RALYL: variants seen among roughly 807,000 people sequenced by gnomAD.
The protein encoded by RALYL is RALY RNA binding protein like, also known as RNA-binding Raly-like protein.
RALYL carries 29 observed loss-of-function variants against 35.1 expected under a neutral mutation model. The ratio of observed to expected loss-of-function variants is 0.83; its 90% CI spans 0.61 to 1.13. The LOEUF is 1.13. Ranked by LOEUF, RALYL falls within the 50% of genes most tolerant of loss-of-function variation. The pLI is 0.00. For synonymous variants in RALYL, 120 were observed against 127.6 expected, an observed-to-expected ratio of 0.94 and a Z score of 0.40; for missense variants, 359 against 360.4, an observed-to-expected ratio of 1.00 and a Z score of 0.03.
rs1854572226 is a variant in RALYL, at chr8:84,367,318, A to AATTTTTTTTTTTTTTT, written c.-23-161981_-23-161980insATTTTTTTTTTTTTTT. On this transcript the variant is annotated intron_variant, in intron 1 of 8. Transcript: ENST00000521268. ...GCCATCCTGCCCAACTAATTTTTGTATTTTTTTTTTTTTTTTTTTTTTTTT... is the reference window on the plus strand; with the variant it reads ...GCCATCCTGCCCAACTAATTTTTGTAATTTTTTTTTTTTTTTTTTTTTTTTTTTTTTTTTTTTTTTT... Among the ~76,000 whole-genome samples the AATTTTTTTTTTTTTTT allele has an allele frequency of 1.1e-4, 3 of 27,400 alleles. 1 individual carries two copies. The highest frequency in any genetic ancestry group is 3.0e-4 in the Non-Finnish European group (3 of 10,140). The allele number at this position is 27,400 out of a possible 152,430, so 18.0% of individuals were successfully genotyped here. A position where few individuals can be genotyped will look rare whatever the true frequency, so the allele number is the denominator to read the frequency against.
chr8:84,290,963 T>A (rs1407791499), intron 1 of RALYL, among the ~76,000 whole-genome samples: 4 of 99,398 alleles, frequency 4.0e-5, no homozygotes, highest in Non-Finnish European at 8.0e-5. Context: ...TTTTGATATC[T>A]TTCAGATCTC....
intron 4 of RALYL, among the ~76,000 whole-genome samples, chr8:84,844,740 G>A (rs928323981): frequency 1.3e-5 from 2 of 152,162 alleles, no homozygotes; most frequent in South Asian, 2.1e-4. Flanking sequence ...CAATGATAGA[G>A]TGGATTAAGA....
chr8:84,359,409 G>T (rs1491566), intron 1 of RALYL, among the ~76,000 whole-genome samples: 58,916 of 151,632 alleles, frequency 0.39, 11,941 homozygotes, highest in East Asian at 0.51. Flanking sequence ...TAAATTTGTT[G>T]TAAGAAAGTA....
chr8:84,325,636 C>A (rs1413497962), intron 1 of RALYL, among the ~76,000 whole-genome samples: 1 of 152,150 alleles, frequency 6.6e-6, no homozygotes, highest in Non-Finnish European at 1.5e-5. Context: ...CCTGTATATT[C>A]TTTATTTGTC....
At chr8:84,426,125 TACA>T (rs2046403735) in intron 1 of RALYL, among the ~76,000 whole-genome samples, 1 of 152,186 alleles carries the variant, frequency 6.6e-6, no homozygotes, top group South Asian at 2.1e-4. Context: ...ATTTAAGGTA[TACA>T]ACATGATATT....
intron 1 of RALYL, among the ~76,000 whole-genome samples, chr8:84,383,424 G>C (rs1353992688): frequency 2.6e-5 from 4 of 151,616 alleles, no homozygotes; most frequent in African/African-American, 4.8e-5. Context: ...AGACATTGAG[G>C]GCTTGAGAAA....
chr8:84,692,936 G>A (rs977504279), intron 2 of RALYL, among the ~76,000 whole-genome samples: 1 of 151,976 alleles, frequency 6.6e-6, no homozygotes, highest in Admixed American at 6.6e-5. Context: ...AGCCAAGGGT[G>A]GTAGGTAGCC....
intron 1 of RALYL, among the ~76,000 whole-genome samples, chr8:84,490,997 G>T (rs369737068): frequency 6.6e-6 from 1 of 151,942 alleles, no homozygotes. Flanking sequence ...AGACCCCTAT[G>T]AAGAAAGTAT....
intron 1 of RALYL, among the ~76,000 whole-genome samples, chr8:84,297,576 A>G (rs1422041845): frequency 6.6e-6 from 1 of 152,262 alleles, no homozygotes; most frequent in East Asian, 1.9e-4. Flanking sequence ...ATACCCAATA[A>G]TGGGATTGAT....
At chr8:84,456,025 C>A (rs1472620033) in intron 1 of RALYL, among the ~76,000 whole-genome samples, 1 of 151,962 alleles carries the variant, frequency 6.6e-6, no homozygotes, top group Non-Finnish European at 1.5e-5. Flanking sequence ...TCAACTCAGG[C>A]ATACCCTCTC....
chr8:84,206,017 T>C (rs899827382), intron 1 of RALYL, among the ~76,000 whole-genome samples: 10 of 152,140 alleles, frequency 6.6e-5, no homozygotes, highest in African/African-American at 2.2e-4. Flanking sequence ...TCTTAACATA[T>C]GTGTACACCA....
At chr8:84,816,032 C>CAAAAAAA (rs5892931) in intron 4 of RALYL, among the ~76,000 whole-genome samples, 448 of 83,224 alleles carry the variant, frequency 5.4e-3, no homozygotes, top group East Asian at 6.9e-3. Context: ...GACTCTGTCT[C>CAAAAAAA]AAAAAAAAAA....
chr8:84,877,216 G>A (rs925218638), intron 7 of RALYL, among the ~76,000 whole-genome samples: 4 of 152,288 alleles, frequency 2.6e-5, no homozygotes, highest in Middle Eastern at 3.4e-3. Context: ...GCCGGCCGCG[G>A]TGGCTCACAC....
At chr8:84,573,665 C>A (rs1213320108) in intron 2 of RALYL, among the ~76,000 whole-genome samples, 1 of 151,754 alleles carries the variant, frequency 6.6e-6, no homozygotes, top group Non-Finnish European at 1.5e-5. Context: ...TGTTTAACAT[C>A]TTGATATTTT....
At chr8:84,603,978 T>G (rs1319299477) in intron 2 of RALYL, among the ~76,000 whole-genome samples, 1 of 152,106 alleles carries the variant, frequency 6.6e-6, no homozygotes, top group Non-Finnish European at 1.5e-5. Context: ...TCTATTCACT[T>G]TCCTACTATT....
At chr8:84,241,763 G>A (rs1167879717) in intron 1 of RALYL, among the ~76,000 whole-genome samples, 1 of 138,110 alleles carries the variant, frequency 7.2e-6, no homozygotes, top group Non-Finnish European at 1.5e-5. Context: ...GGACAATAGA[G>A]GGAGACTGTG....
intron 2 of RALYL, among the ~76,000 whole-genome samples, chr8:84,583,802 C>T (rs553328644): frequency 2.2e-4 from 33 of 152,198 alleles, no homozygotes; most frequent in African/African-American, 7.7e-4. Context: ...TAAATCCTTG[C>T]AACAACGTTG....
At position 84,904,495 on chromosome 8, in the gene RALYL, A is replaced by G. The variant is rs1218883934; in HGVS notation, c.859-16399A>G. ...AATATAAGAGAACCAAAAGAATTTTATTTCTATAAGAAAATAATTTCAAAA... is the reference window on the plus strand; with the variant it reads ...AATATAAGAGAACCAAAAGAATTTTGTTTCTATAAGAAAATAATTTCAAAA... On this transcript the variant is annotated intron_variant, in intron 8 of 8. Transcript: ENST00000521268. 3.9e-5 allele frequency among the ~76,000 whole-genome samples: 6 copies of G among 152,166 alleles called. No individual in the cohort carries two copies. In the East Asian group the frequency reaches 1.2e-3, roughly 29 times the overall value.
chr8:84,617,983 G>T (rs1259916099), intron 2 of RALYL, among the ~76,000 whole-genome samples: 4 of 151,778 alleles, frequency 2.6e-5, no homozygotes, highest in African/African-American at 4.9e-5. Flanking sequence ...TGTGCTGCTG[G>T]ATTCGTTTTG....
Sources: allele counts gnomAD v4.1 joint callset (sites outside exome capture counted in the v4.1 genomes callset), GRCh38; gene constraint gnomAD v4.1.1; transcripts MANE v1.5; gene names NCBI Gene and HGNC (gene_info 2026-07-23, HGNC 2026-07-21).